The following PDZD2 variants were observed in gnomAD, a reference collection of about 807,000 sequenced individuals.
The protein encoded by PDZD2 is PDZ domain-containing protein 2.
In PDZD2, 90 loss-of-function variants were observed where a neutral mutation model predicts 220.7. The observed-to-expected ratio is 0.41, with a 90% CI of 0.34 to 0.49. The LOEUF (loss-of-function observed/expected upper bound fraction) is 0.49, where lower values mean the gene tolerates loss of function less well. Ranked by LOEUF, PDZD2 falls within the 20% of genes least tolerant of loss-of-function variation. The probability of loss-of-function intolerance (pLI) is 0.28; values close to 1 mark genes in which losing one functional copy is unlikely to be tolerated. For synonymous variants in PDZD2, 1,375 were observed against 1,450.5 expected (o/e 0.95, Z 1.18); for missense variants, 3,174 against 3,608.5 (o/e 0.88, Z 3.08).
intron 2 of PDZD2, among the ~76,000 whole-genome samples, chr5:31,964,135 G>A (rs756008787): frequency 6.6e-6 from 1 of 152,240 alleles, no homozygotes; most frequent in African/African-American, 2.4e-5. Context: ...ACCACCCTGT[G>A]TGAGTTCACT....
intron 5 of PDZD2, among the ~76,000 whole-genome samples, chr5:32,002,894 A>AACACACAC: frequency 1.1e-5 from 1 of 93,740 alleles, no homozygotes; most frequent in Non-Finnish European, 2.0e-5. Flanking sequence ...CACACACACC[A>AACACACAC]ACACACACCC....
intron 14 of PDZD2, among the ~76,000 whole-genome samples, chr5:32,069,325 G>T (rs1740539659): frequency 6.6e-6 from 1 of 151,314 alleles, no homozygotes; most frequent in East Asian, 1.9e-4. Flanking sequence ...CAGCTGTGTT[G>T]TTGGTAATCA....
chr5:31,959,960 A>G (rs1748062089), intron 2 of PDZD2, among the ~76,000 whole-genome samples: 1 of 152,036 alleles, frequency 6.6e-6, no homozygotes, highest in African/African-American at 2.4e-5. Flanking sequence ...CCATCTTCAC[A>G]TCACCTTTTT....
chr5:31,869,529 A>C (rs917956840), intron 2 of PDZD2, among the ~76,000 whole-genome samples: 34 of 151,908 alleles, frequency 2.2e-4, no homozygotes, highest in Admixed American at 2.0e-3. Context: ...ACGCCACTGC[A>C]CTCCAGCCTG....
intron 1 of PDZD2, among the ~76,000 whole-genome samples, chr5:31,648,514 C>T (rs528856322): frequency 6.6e-6 from 1 of 152,260 alleles, no homozygotes; most frequent in African/African-American, 2.4e-5. Flanking sequence ...CCAGCCTCCA[C>T]CTTGTTCTCC....
At chr5:31,883,757 A>G (rs1339989765) in intron 2 of PDZD2, among the ~76,000 whole-genome samples, 1 of 151,788 alleles carries the variant, frequency 6.6e-6, no homozygotes, top group Non-Finnish European at 1.5e-5. Flanking sequence ...GCCTGCCACC[A>G]TGCGGGGCTA....
intron 3 of PDZD2, among the ~76,000 whole-genome samples, chr5:31,989,270 T>A (rs377758532): frequency 6.6e-6 from 1 of 152,288 alleles, no homozygotes; most frequent in East Asian, 1.9e-4. Flanking sequence ...CTCCCACTTA[T>A]GAGTGAGAAC....
At chr5:31,678,292 C>T (rs1746521624) in intron 1 of PDZD2, among the ~76,000 whole-genome samples, 3 of 152,194 alleles carry the variant, frequency 2.0e-5, no homozygotes, top group Admixed American at 1.3e-4. Flanking sequence ...CCACTCACCC[C>T]AGAGCTCTGG....
intron 2 of PDZD2, among the ~76,000 whole-genome samples, chr5:31,800,587 A>G (rs774542471): frequency 6.6e-6 from 1 of 152,176 alleles, no homozygotes; most frequent in Non-Finnish European, 1.5e-5. Context: ...GTATACAAAG[A>G]CACTCTTGTC....
intron 1 of PDZD2, among the ~76,000 whole-genome samples, chr5:31,794,334 A>G (rs1753886526): frequency 6.6e-6 from 1 of 151,878 alleles, no homozygotes; most frequent in African/African-American, 2.4e-5. Flanking sequence ...TAGACACTCA[A>G]TCAACATTTG....
At position 32,110,187 on chromosome 5, in the gene PDZD2, A is replaced by C. The variant is rs575380183; in HGVS notation, c.*2052A>C. ...CAGCTGTGCCTAATAATAATTAATT[A>C]ATAAACGCACAGCCCTATGTGAACA... is the stretch of plus-strand genomic sequence containing the variant. On this transcript the variant is annotated 3_prime_UTR_variant, in exon 25 of 25. Coordinates refer to ENST00000438447, the MANE Select transcript of PDZD2 (RefSeq NM_178140.4). 3 of 152,784 alleles carry C rather than the reference A, an allele frequency of 2.0e-5. No homozygotes were observed. The East Asian group carries it at 5.8e-4, about 29-fold the overall frequency. The allele number at this position is 152,784 out of a possible 1,614,324, so 9.5% of individuals were successfully genotyped here. A position where few individuals can be genotyped will look rare whatever the true frequency, so the allele number is the denominator to read the frequency against.
Position 31,646,847 on chromosome 5 carries a change from A to G in PDZD2, c.-361+7410A>G, listed in dbSNP as rs79947983. On this transcript the variant is annotated intron_variant, in intron 1 of 24. Transcript: ENST00000438447. The surrounding 1 kb of genome is among the most constrained non-coding windows in gnomAD (Gnocchi z 4.7). The stretch of plus-strand genomic sequence containing the variant: ...TAATTCCCAGTATCATTAGGCCGAA[A>G]GAAGGGACAGCTGTCTCCAGAAAAT... Among the ~76,000 whole-genome samples, 1,180 of 152,324 alleles carry G rather than the reference A, an allele frequency of 7.7e-3. 10 individuals carry two copies. The highest frequency in any genetic ancestry group is 0.026 in the East Asian group (135 of 5,188).
intron 1 of PDZD2, among the ~76,000 whole-genome samples, chr5:31,769,030 T>C (rs1415349588): frequency 6.6e-6 from 1 of 152,236 alleles, no homozygotes; most frequent in Non-Finnish European, 1.5e-5. Context: ...TGAACTGAAC[T>C]ACTTAACAGC....
At chr5:31,993,716 C>CA (rs1362946525) in intron 3 of PDZD2, among the ~76,000 whole-genome samples, 2 of 152,076 alleles carry the variant, frequency 1.3e-5, no homozygotes, top group Non-Finnish European at 2.9e-5. Flanking sequence ...TCATTTGTTT[C>CA]ATATGAAGAT....
intron 1 of PDZD2, among the ~76,000 whole-genome samples, chr5:31,751,165 C>T (rs1440970203): frequency 6.6e-6 from 1 of 150,476 alleles, no homozygotes; most frequent in African/African-American, 2.4e-5. Flanking sequence ...CGTTTGAACC[C>T]GGGAGGCGGA....
chr5:31,995,948 G>A (rs1312097122), intron 4 of PDZD2, among the ~76,000 whole-genome samples: 2 of 152,216 alleles, frequency 1.3e-5, no homozygotes, highest in East Asian at 3.8e-4. Context: ...TCTAAAACAA[G>A]GAGAGAGTGG....
At position 31,790,104 on chromosome 5, in the gene PDZD2, C is replaced by G. The variant is rs570250971; in HGVS notation, c.-360-8785C>G. Among the ~76,000 whole-genome samples, 25 of 151,940 alleles carry G rather than the reference C, an allele frequency of 1.6e-4. No individual in the cohort carries two copies. The South Asian group carries it at 5.0e-3, about 31-fold the overall frequency. The stretch of plus-strand genomic sequence containing the variant: ...TGGCCCTTGCCTCTTACTGGGAGGT[C>G]TTTTTTGTTTGTTTGTTTGTTTGAG... On this transcript the variant is annotated intron_variant, in intron 1 of 24. Transcript: ENST00000438447.
rs7703045 is a variant in PDZD2 at position 32,110,624 on chromosome 5, T to C, written c.*2489T>C. On this transcript the variant is annotated 3_prime_UTR_variant, in exon 25 of 25. Transcript: ENST00000438447. The stretch of plus-strand genomic sequence containing the variant: ...TATGAGGGTAAATAAATATGTGTTA[T>C]AACAAGTAAACCGTAGTTGCAAGAA... 6.6e-6 allele frequency: 1 copy of C among 152,654 alleles called. No individual in the cohort carries two copies. Among genetic ancestry groups the C allele is most frequent in the East Asian group, 1.9e-4 (1 of 5,200 alleles). The allele number at this position is 152,654 out of a possible 1,614,324, so 9.5% of individuals were successfully genotyped here.
chr5:32,073,787 G>A (rs374381571), intron 17 of PDZD2, 45 bp from the exon 18 acceptor site: 1 of 1,302,876 alleles, frequency 7.7e-7, no homozygotes, highest in African/African-American at 1.5e-5. Flanking sequence ...AGGGCCAAGT[G>A]GGAAGCTCAA....
Sources: gnomAD v4.1 joint callset for allele counts (sites outside exome capture counted in the v4.1 genomes callset) on GRCh38, gnomAD v4.1.1 for gene constraint, Gnocchi (gnomAD v3.1) non-coding constraint, MANE v1.5 for transcripts, NCBI Gene and HGNC (gene_info 2026-07-23, HGNC 2026-07-21) for gene names.